Variants in FGFR3 observed in about 807,000 individuals in gnomAD.
FGFR3 encodes FGFR-3.
FGFR3 carries 25 observed loss-of-function variants against 82.9 expected under a neutral mutation model. The observed-to-expected ratio is 0.30, with a 90% CI of 0.22 to 0.42. The LOEUF is 0.42. FGFR3 is among the 10% of genes least tolerant of loss of function. The probability of loss-of-function intolerance (pLI) is 1.00; values close to 1 mark genes in which losing one functional copy is unlikely to be tolerated. For missense variants in FGFR3, 1,026 were observed against 1,161.0 expected (o/e 0.88, Z 1.69); for synonymous variants, 620 against 516.0 (o/e 1.20, Z -2.73).
In FGFR3 at chr4:1,805,711, C is replaced by T. The variant is rs770936994; in HGVS notation, c.1646-39C>T. 3.1e-6 allele frequency: 5 copies of T among 1,611,276 alleles called. No individual in the cohort carries two copies. In the South Asian group the frequency reaches 4.4e-5, roughly 14 times the overall value. ...CGGTGGTGCCGGCTGGGCGGCCCTC[C>T]TGGGCCTGGCAGCCCGTCTGAGGAG... On this transcript the variant is annotated intron_variant, in intron 12 of 17. Transcript: ENST00000440486.
chr4:1,800,541 G>A (rs2108777464), intron 4 of FGFR3, among the ~76,000 whole-genome samples: 2 of 152,218 alleles, frequency 1.3e-5, no homozygotes, highest in Admixed American at 1.3e-4. Context: ...AGAAACAGCT[G>A]GGGGAACTCA....
rs1039956241 is a variant in FGFR3, at chr4:1,807,498, A to G, written c.*236A>G. 9.6e-6 allele frequency: 7 copies of G among 725,828 alleles called. No individual in the cohort carries two copies. Among genetic ancestry groups the G allele is most frequent in the Admixed American group, 5.9e-5 (3 of 50,478 alleles). The allele number at this position is 725,828 out of a possible 1,614,324, so 45.0% of individuals were successfully genotyped here. On this transcript the variant is annotated 3_prime_UTR_variant, in exon 18 of 18. Transcript: ENST00000440486. ...CCCTGGGTGTCCCCGCTGCTGTGCA[A>G]CGGTCTCCTGACTGGTGCTGCAGCA...
intron 2 of FGFR3, among the ~76,000 whole-genome samples, chr4:1,798,797 C>T (rs1251937293): frequency 6.6e-6 from 1 of 152,190 alleles, no homozygotes; most frequent in Non-Finnish European, 1.5e-5. Flanking sequence ...AGCTCCATTT[C>T]AGTCAGAGGC....
At chr4:1,802,823 G>A (rs889287064) in intron 7 of FGFR3, 7 of 1,450,660 alleles carry the variant, frequency 4.8e-6, no homozygotes, top group African/African-American at 4.5e-5. Context: ...GCCCAGCCTC[G>A]ATCTGTACCT....
Position 1,801,667 on chromosome 4 carries a change from G to A in FGFR3, c.663G>A (p.Ser221=), listed in dbSNP as rs114421370. Residue 221 remains serine (S), a synonymous_variant, in exon 6 of 18, where the codon TCG becomes TCA. Transcript: ENST00000440486. ...WSLVMESVVP[S]DRGNYTCVVE... is the part of the protein sequence containing the mutation. ...TGGTCATGGAAAGCGTGGTGCCCTC[G>A]GACCGCGGCAACTACACCTGCGTCG... 9.1e-4 allele frequency: 1,472 copies of A among 1,611,412 alleles called. 7 individuals are homozygous for A. In the African/African-American group the frequency reaches 0.016, roughly 18 times the overall value.
chr4:1,799,204 G>A (rs372683579), intron 2 of FGFR3, 50 bp from the exon 3 acceptor site: 236 of 1,610,614 alleles, frequency 1.5e-4, no homozygotes, highest in Non-Finnish European at 1.6e-4. Context: ...GTCTGTAAAC[G>A]GTGCCGGGTT....
chr4:1,800,442 G>A (rs1403786194), intron 4 of FGFR3, among the ~76,000 whole-genome samples: 1 of 152,096 alleles, frequency 6.6e-6, no homozygotes. Context: ...GACATGGGGG[G>A]CAGTTACGAC....
intron 2 of FGFR3, among the ~76,000 whole-genome samples, 159 bp from the exon 3 acceptor site, chr4:1,799,095 G>C (rs76067357): frequency 6.6e-6 from 1 of 152,156 alleles, no homozygotes; most frequent in East Asian, 1.9e-4. Flanking sequence ...AGAGACCTTT[G>C]GCCCTTTTGG....
Position 1,808,139 on chromosome 4 carries a change from T to A in FGFR3, c.*877T>A. On this transcript the variant is annotated 3_prime_UTR_variant, in exon 18 of 18. Coordinates refer to ENST00000440486, the MANE Select transcript of FGFR3 (RefSeq NM_000142.5). ...ATTTATGGGCCCCTGGCACTCTTGT[T>A]CCCACACCCCAACACTTCCAGCATT... 8.6e-6 allele frequency: 2 copies of A among 232,882 alleles called. No homozygotes were observed. Among genetic ancestry groups the A allele is most frequent in the Non-Finnish European group, 1.7e-5 (2 of 117,814 alleles). The allele number at this position is 232,882 out of a possible 1,614,324, so 14.4% of individuals were successfully genotyped here.
intron 2 of FGFR3, among the ~76,000 whole-genome samples, chr4:1,798,007 C>T (rs1720717003): frequency 6.6e-6 from 1 of 152,154 alleles, no homozygotes; most frequent in Non-Finnish European, 1.5e-5. Flanking sequence ...AAGGAGGCTG[C>T]CTGGGGGACC....
At position 1,807,642 on chromosome 4, in the gene FGFR3, G is replaced by A. The variant is rs751169261; in HGVS notation, c.*380G>A. 11 of 639,282 alleles carry A rather than the reference G, an allele frequency of 1.7e-5. No individual in the cohort carries two copies. The highest frequency in any genetic ancestry group is 3.6e-5 in the Admixed American group (2 of 54,988). The allele number at this position is 639,282 out of a possible 1,614,324, so 39.6% of individuals were successfully genotyped here. On this transcript the variant is annotated 3_prime_UTR_variant, in exon 18 of 18. Coordinates refer to ENST00000440486, the MANE Select transcript of FGFR3 (RefSeq NM_000142.5). ...GCTCCGGCCTCTGCCTTTGCACCACGGGACATCACAGGGTGGGCCTCGGCC... is the reference window on the plus strand; with the variant it reads ...GCTCCGGCCTCTGCCTTTGCACCACAGGACATCACAGGGTGGGCCTCGGCC...
intron 3 of FGFR3, 100 bp from the exon 4 acceptor site, chr4:1,799,647 A>C: frequency 1.9e-6 from 3 of 1,561,104 alleles, no homozygotes; most frequent in Middle Eastern, 1.7e-4. Flanking sequence ...CACCCCCAGG[A>C]AGTGCTGCCC....
Position 1,805,496 on chromosome 4 carries a change from G to A in FGFR3, c.1534+20G>A, listed in dbSNP as rs1157921279. The A allele has an allele frequency of 1.9e-6, 3 of 1,612,232 alleles. No homozygotes were observed. The highest frequency in any genetic ancestry group is 1.7e-4 in the Middle Eastern group (1 of 6,058). On this transcript the variant is annotated intron_variant, in intron 11 of 17. Coordinates refer to ENST00000440486, the MANE Select transcript of FGFR3 (RefSeq NM_000142.5). ...TGAAAGGTGAGGAGGGGGCGGCCAGGGGTGCAGAGCAGGGCTGGGGGCGCC... is the reference window on the plus strand; with the variant it reads ...TGAAAGGTGAGGAGGGGGCGGCCAGAGGTGCAGAGCAGGGCTGGGGGCGCC...
chr4:1,794,425 C>A (rs1278474566), intron 2 of FGFR3, among the ~76,000 whole-genome samples: 1 of 152,216 alleles, frequency 6.6e-6, no homozygotes, highest in Non-Finnish European at 1.5e-5. Flanking sequence ...CGTCCCCCTC[C>A]CCCGGGCCCC....
intron 17 of FGFR3, 30 bp downstream of exon 17, chr4:1,806,964 C>A (rs374393688): frequency 6.3e-7 from 1 of 1,577,654 alleles, no homozygotes. Flanking sequence ...TGGTGCCACC[C>A]GCCTATGCCC....
At chr4:1,801,210 G>A (rs938440217) in intron 4 of FGFR3, among the ~76,000 whole-genome samples, 157 bp from the exon 5 acceptor site, 3 of 152,244 alleles carry the variant, frequency 2.0e-5, no homozygotes, top group African/African-American at 7.2e-5. Flanking sequence ...GAGGGGACAA[G>A]ATGTGGAGGC....
intron 14 of FGFR3, 38 bp downstream of exon 14, chr4:1,806,211 C>T (rs772097325): frequency 3.1e-6 from 5 of 1,612,868 alleles, no homozygotes; most frequent in Non-Finnish European, 3.4e-6. Context: ...GGGGGTCATG[C>T]CAGTAGGACG....
chr4:1,803,943 C>G, intron 8 of FGFR3, 107 bp downstream of exon 8: 1 of 1,271,388 alleles, frequency 7.9e-7, no homozygotes, highest in Non-Finnish European at 1.1e-6. Context: ...TACGGCCGTC[C>G]CGCTTCTTGA....
In FGFR3 at chr4:1,805,435, G is replaced by T. The variant is rs1184790681; in HGVS notation, c.1493G>T (p.Arg498Leu). 1 of 1,611,778 alleles carries T rather than the reference G, an allele frequency of 6.2e-7. No homozygotes were observed. The highest frequency in any genetic ancestry group is 1.3e-5 in the African/African-American group (1 of 74,918). The change falls in exon 11 of 18, where the codon CGG becomes CTG. Residue 498 changes from arginine (R) to leucine (L), a missense_variant. By Grantham distance (102) the Arg-to-Leu change is moderately radical (BLOSUM62 -2). Transcript: ENST00000440486. ...GAGGCCATCGGCATTGACAAGGACC[G>T]GGCCGCCAAGCCTGTCACCGTAGCC... Reference protein sequence around the residue: ...MAEAIGIDKDRAAKPVTVAVK... With the variant: ...MAEAIGIDKDLAAKPVTVAVK...
Sources: gnomAD v4.1 joint callset for allele counts (sites outside exome capture counted in the v4.1 genomes callset) on GRCh38, gnomAD v4.1.1 for gene constraint, MANE v1.5 for transcripts, NCBI Gene and HGNC (gene_info 2026-07-23, HGNC 2026-07-21) for gene names.